Variants in NAV1 observed in about 807,000 individuals in gnomAD.
The protein encoded by NAV1 is pore membrane and/or filament interacting like protein 3.
In NAV1, 18 loss-of-function variants were observed where a neutral mutation model predicts 175.2. The ratio of observed to expected loss-of-function variants is 0.10; its 90% CI spans 0.07 to 0.15. The LOEUF is 0.15. Among genes scored for constraint, NAV1 ranks in the 10% least tolerant of loss-of-function variants. The pLI, the probability that NAV1 is intolerant of heterozygous loss-of-function variation, is 1.00. For synonymous variants in NAV1, 897 were observed against 978.7 expected, an observed-to-expected ratio of 0.92 and a Z score of 1.56; for missense variants, 1,731 against 2,436.6, an observed-to-expected ratio of 0.71 and a Z score of 6.10.
At chr1:201,712,110 A>C (rs1671932669) in intron 1 of NAV1, among the ~76,000 whole-genome samples, 1 of 152,132 alleles carries the variant, frequency 6.6e-6, no homozygotes, top group African/African-American at 2.4e-5. Flanking sequence ...GCTCCAGAAA[A>C]TGACTGCTCA....
intron 1 of NAV1, among the ~76,000 whole-genome samples, chr1:201,672,145 T>C (rs555167960): frequency 8.2e-4 from 125 of 152,006 alleles, no homozygotes; most frequent in African/African-American, 2.7e-3. Context: ...TTGAAACGTT[T>C]TTTCTCCCAC....
chr1:201,640,655 G>A (rs1668726353), intron 2 of NAV1, among the ~76,000 whole-genome samples: 1 of 152,190 alleles, frequency 6.6e-6, no homozygotes, highest in African/African-American at 2.4e-5. Context: ...GGGTCTACTG[G>A]CCTCACTCTG....
intron 3 of NAV1, chr1:201,723,667 G>A (rs1672485616): frequency 6.6e-6 from 1 of 152,158 alleles, no homozygotes; most frequent in African/African-American, 2.4e-5. Flanking sequence ...AGTAATTTTA[G>A]ACTAGTCCAT....
chr1:201,648,886 A>G (rs752640768), exon 1 of NAV1: 1 of 1,612,604 alleles, frequency 6.2e-7, no homozygotes, highest in South Asian at 1.1e-5. Flanking sequence ...GGCAGCGTGG[A>G]CAGCCGTGTC....
intron 3 of NAV1, among the ~76,000 whole-genome samples, chr1:201,730,657 A>G (rs1000770568): frequency 6.6e-6 from 1 of 152,148 alleles, no homozygotes; most frequent in African/African-American, 2.4e-5. Flanking sequence ...CCCTTACATG[A>G]CCTCTCCATC....
At chr1:201,628,305 T>G (rs1386576865) in intron 1 of NAV1, among the ~76,000 whole-genome samples, 1 of 151,974 alleles carries the variant, frequency 6.6e-6, no homozygotes, top group African/African-American at 2.4e-5. Context: ...AGCTCAGCAC[T>G]GCCTAAATAG....
intron 1 of NAV1, 105 bp from the exon 4 acceptor site, chr1:201,629,299 C>A: frequency 2.8e-6 from 2 of 712,828 alleles, no homozygotes; most frequent in Non-Finnish European, 4.1e-6. Context: ...AGGGCACTAT[C>A]AGAGAAGAAG....
Position 201,589,817 on chromosome 1 carries a change from T to C in NAV1, c.-33+1168T>C, listed in dbSNP as rs555726899. Among the ~76,000 whole-genome samples the C allele has an allele frequency of 6.0e-5, 9 of 151,120 alleles. No homozygotes were observed. In the South Asian group the frequency reaches 1.9e-3, roughly 32 times the overall value. ...TGTTATTTGTTATTGTCTGAGCACA[T>C]ATTATGGGATGACCCCAAAGTTATG... On this transcript the variant is annotated intron_variant, in intron 2 of 33. Coordinates refer to the NAV1 transcript ENST00000685211.
At chr1:201,628,421 CAG>C (rs1265905437) in intron 1 of NAV1, among the ~76,000 whole-genome samples, 1 of 151,086 alleles carries the variant, frequency 6.6e-6, no homozygotes, top group Admixed American at 6.6e-5. Context: ...AAGCCGGACC[CAG>C]AGAGGAGAAG....
chr1:201,785,346 G>A (rs781779809), exon 8 of NAV1: 49 of 1,611,604 alleles, frequency 3.0e-5, no homozygotes, highest in Non-Finnish European at 3.2e-5. Context: ...CCAAGAAAGG[G>A]CTCAGGTAAC....
chr1:201,690,582 G>A (rs1223157129), intron 1 of NAV1, among the ~76,000 whole-genome samples: 2 of 149,346 alleles, frequency 1.3e-5, no homozygotes, highest in African/African-American at 5.0e-5. Context: ...GTCTGTGGCA[G>A]TGTGTGTCTG....
chr1:201,689,336 T>C (rs1365572924), intron 1 of NAV1, among the ~76,000 whole-genome samples: 2 of 152,234 alleles, frequency 1.3e-5, no homozygotes, highest in Admixed American at 6.5e-5. Context: ...TATAGGTTGC[T>C]TCTTTTTTCC....
intron 1 of NAV1, among the ~76,000 whole-genome samples, chr1:201,561,836 C>G (rs2819383): frequency 0.11 from 17,392 of 152,168 alleles, 1,300 homozygotes; most frequent in African/African-American, 0.2. Context: ...GGCTGGGGCT[C>G]TGTTCCTCCA....
In NAV1 at chr1:201,657,976, T is replaced by A. The variant is rs182545585; in HGVS notation, c.757+8551T>A. On this transcript the variant is annotated intron_variant, in intron 1 of 29. Transcript: ENST00000367296. ...TGAGCCCGGGAGGTGGAGGTTGCAG[T>A]GATCTGAGATCACGCCACTGCACTC... is the stretch of plus-strand genomic sequence containing the variant. Among the ~76,000 whole-genome samples, 24 of 152,254 alleles carry A rather than the reference T, an allele frequency of 1.6e-4. No individual in the cohort carries two copies. In the East Asian group the frequency reaches 4.3e-3, roughly 27 times the overall value.
intron 1 of NAV1, among the ~76,000 whole-genome samples, chr1:201,697,577 C>G (rs776357317): frequency 5.3e-5 from 8 of 152,218 alleles, no homozygotes; most frequent in Non-Finnish European, 1.0e-4. Context: ...TATTCCAGTG[C>G]GCCTCAGTCT....
At chr1:201,739,294 G>A (rs12026046) in intron 3 of NAV1, 63,982 of 152,002 alleles carry the variant, frequency 0.42, 13,663 homozygotes, top group African/African-American at 0.46. Context: ...GGAAGGTCGC[G>A]CCATCCTACT....
chr1:201,718,789 G>A lies in NAV1; in HGVS notation c.1226+34G>A, dbSNP rs1249207551. The A allele has an allele frequency of 1.3e-6, 2 of 1,571,408 alleles. No homozygotes were observed. The highest frequency in any genetic ancestry group is 1.7e-6 in the Non-Finnish European group (2 of 1,153,292). On this transcript the variant is annotated intron_variant, in intron 3 of 29. Transcript: ENST00000367296. This position sits in a 1 kb window ranked among gnomAD's most constrained non-coding sequence, Gnocchi z 4.8. ...AGGGGCTTCTTGGATGGCGGGGGAG[G>A]ATGGTGGAAAGACCACTGGGATGCG...
chr1:201,581,238 C>T (rs1192895786), intron 1 of NAV1, among the ~76,000 whole-genome samples: 1 of 152,036 alleles, frequency 6.6e-6, no homozygotes, highest in Non-Finnish European at 1.5e-5. Flanking sequence ...TGAACACAGG[C>T]AGTGGTGGTG....
intron 3 of NAV1, among the ~76,000 whole-genome samples, chr1:201,746,312 T>C (rs1472068933): frequency 6.6e-6 from 1 of 152,212 alleles, no homozygotes; most frequent in Non-Finnish European, 1.5e-5. Flanking sequence ...AGAGCTAATA[T>C]AGCTGTACAG....
Sources: allele counts gnomAD v4.1 joint callset (sites outside exome capture counted in the v4.1 genomes callset), GRCh38; gene constraint gnomAD v4.1.1; non-coding constraint Gnocchi (gnomAD v3.1); transcripts MANE v1.5; gene names NCBI Gene and HGNC (gene_info 2026-07-23, HGNC 2026-07-21).